Variants in NTM observed in about 807,000 individuals in gnomAD.
The protein encoded by NTM is neurotrimin.
In NTM, 13 loss-of-function variants were observed where a neutral mutation model predicts 42.1. The ratio of observed to expected loss-of-function variants is 0.31; its 90% CI spans 0.20 to 0.49. The LOEUF (loss-of-function observed/expected upper bound fraction) is 0.49. Among genes scored for constraint, NTM ranks in the 20% least tolerant of loss-of-function variants. NTM has a pLI of 0.99. For missense variants in NTM, 373 were observed against 452.8 expected (o/e 0.82, Z 1.60); for synonymous variants, 187 against 179.2 (o/e 1.04, Z -0.35).
intron 2 of NTM, among the ~76,000 whole-genome samples, chr11:132,061,285 A>G (rs190402327): frequency 6.6e-6 from 1 of 152,214 alleles, no homozygotes; most frequent in African/African-American, 2.4e-5. Flanking sequence ...TGTACGTTCT[A>G]ATAGAATGGC....
chr11:131,611,239 G>A (rs1175652432), intron 1 of NTM, among the ~76,000 whole-genome samples: 1 of 152,212 alleles, frequency 6.6e-6, no homozygotes, highest in East Asian at 1.9e-4. Context: ...GGCTTTAGGA[G>A]GATGATGAAT....
chr11:131,995,664 T>C (rs1011470065), intron 2 of NTM, among the ~76,000 whole-genome samples: 1 of 151,974 alleles, frequency 6.6e-6, no homozygotes, highest in African/African-American at 2.4e-5. Flanking sequence ...GTTACTGAAA[T>C]GCCAGGGGTT....
chr11:131,985,010 G>A (rs1388081456), intron 2 of NTM, among the ~76,000 whole-genome samples: 1 of 152,074 alleles, frequency 6.6e-6, no homozygotes, highest in Non-Finnish European at 1.5e-5. Flanking sequence ...TCTTCTTCCT[G>A]ACATTTGAGA....
chr11:131,447,825 C>T (rs1330743165), intron 1 of NTM, among the ~76,000 whole-genome samples: 1 of 152,184 alleles, frequency 6.6e-6, no homozygotes, highest in Non-Finnish European at 1.5e-5. Flanking sequence ...GGGCCTCCAG[C>T]ACAGAGGCCT....
intron 1 of NTM, among the ~76,000 whole-genome samples, chr11:131,400,919 T>A (rs1945062102): frequency 6.6e-6 from 1 of 151,872 alleles, no homozygotes; most frequent in Admixed American, 6.6e-5. Context: ...GCCTTCTATG[T>A]TTCTGGAGTC....
chr11:131,837,651 C>T (rs2043684331), intron 1 of NTM, among the ~76,000 whole-genome samples: 1 of 152,090 alleles, frequency 6.6e-6, no homozygotes, highest in African/African-American at 2.4e-5. Context: ...CTAGACAAGC[C>T]CAGGCAAAGG....
chr11:131,456,928 C>T (rs938067589), intron 1 of NTM, among the ~76,000 whole-genome samples: 5 of 152,188 alleles, frequency 3.3e-5, no homozygotes, highest in African/African-American at 7.2e-5. Context: ...CCTCAGTTCA[C>T]GCAACACCAT....
chr11:131,942,067 T>TA (rs758968545), intron 2 of NTM, among the ~76,000 whole-genome samples: 3 of 152,142 alleles, frequency 2.0e-5, no homozygotes, highest in Non-Finnish European at 4.4e-5. Flanking sequence ...GCTGGGGATT[T>TA]AAAAAAATGA....
chr11:131,622,900 T>A (rs1168159806), intron 1 of NTM, among the ~76,000 whole-genome samples: 1 of 152,196 alleles, frequency 6.6e-6, no homozygotes, highest in Non-Finnish European at 1.5e-5. Context: ...ACTAACACAC[T>A]GGTTGCCTTC....
At chr11:131,620,870 AAT>A (rs1181265477) in intron 1 of NTM, among the ~76,000 whole-genome samples, 1 of 152,202 alleles carries the variant, frequency 6.6e-6, no homozygotes. Context: ...TCGGTCCACT[AAT>A]ATATTCTCCA....
At chr11:132,300,263 G>A (rs2094794378) in intron 4 of NTM, among the ~76,000 whole-genome samples, 1 of 152,194 alleles carries the variant, frequency 6.6e-6, no homozygotes, top group Non-Finnish European at 1.5e-5. Context: ...TAGGGTTGCA[G>A]TAAAAATAAA....
In NTM at chr11:132,069,403, C is replaced by T. The variant is rs570411789; in HGVS notation, c.168-76879C>T. On this transcript the variant is annotated intron_variant, in intron 2 of 8. Transcript: ENST00000683400. ...AACACGTCACTCAGCCAAGTTAACA[C>T]GTCAAACTGACTGTCACCGGTTAGT... 2.0e-4 allele frequency among the ~76,000 whole-genome samples: 20 copies of T among 100,258 alleles called. 1 individual carries two copies. The highest frequency in any genetic ancestry group is 1.7e-3 in the East Asian group (8 of 4,752). The allele number at this position is 100,258 out of a possible 152,430, so 65.8% of individuals were successfully genotyped here. A position where few individuals can be genotyped will look rare whatever the true frequency, so the allele number is the denominator to read the frequency against.
chr11:131,821,570 G>A (rs994520409), intron 1 of NTM, among the ~76,000 whole-genome samples: 2 of 152,216 alleles, frequency 1.3e-5, no homozygotes, highest in African/African-American at 4.8e-5. Context: ...GGGAATGATT[G>A]TACATACCTT....
intron 1 of NTM, among the ~76,000 whole-genome samples, chr11:131,564,441 AG>A (rs59660016): frequency 6.9e-6 from 1 of 144,052 alleles, no homozygotes; most frequent in East Asian, 2.2e-4. Context: ...TAGGGTGGGT[AG>A]GGGGAGAGAG....
intron 2 of NTM, among the ~76,000 whole-genome samples, chr11:132,128,937 C>CAAA (rs66598841): frequency 2.1e-4 from 14 of 66,082 alleles, no homozygotes; most frequent in East Asian, 6.4e-4. Flanking sequence ...GACACCATCT[C>CAAA]AAAAAAAAAA....
rs74484838 is a variant in NTM at position 131,518,266 on chromosome 11, T to C, written c.82+147378T>C. 8.3e-3 allele frequency among the ~76,000 whole-genome samples: 1,259 copies of C among 152,234 alleles called. 21 individuals carry two copies. The highest frequency in any genetic ancestry group is 0.029 in the African/African-American group (1,196 of 41,546). On this transcript the variant is annotated intron_variant, in intron 1 of 8. Transcript: ENST00000683400. ...GAAGTTAAAAGACTCGAGTCACCCA[T>C]GCAGTAAGTGCAAGAATGGGGACTG...
At chr11:132,150,429 T>TA (rs2071611926) in intron 3 of NTM, among the ~76,000 whole-genome samples, 2 of 152,210 alleles carry the variant, frequency 1.3e-5, no homozygotes, top group Non-Finnish European at 2.9e-5. Context: ...ACTTCCATTG[T>TA]AAAAAGCTTT....
At chr11:132,016,993 TTATC>T (rs1394362111) in intron 2 of NTM, among the ~76,000 whole-genome samples, 1 of 152,030 alleles carries the variant, frequency 6.6e-6, no homozygotes, top group Non-Finnish European at 1.5e-5. Context: ...ATTGAGTTGT[TTATC>T]TTCTTATGTT....
rs190967479 is a variant in NTM, at chr11:131,795,877, G to A, written c.83-115687G>A. 5.2e-5 allele frequency: 51 copies of A among 982,456 alleles called. 1 individual carries two copies. The highest frequency in any genetic ancestry group is 7.0e-5 in the African/African-American group (4 of 57,306). The allele number at this position is 982,456 out of a possible 1,614,324, so 60.9% of individuals were successfully genotyped here. ...AGGGTGCTCCTGAACCATAGAGACC[G>A]CCTGCCTTGTCTAGTGTGGAGGGAT... On this transcript the variant is annotated intron_variant, in intron 1 of 8. Transcript: ENST00000683400.
Sources: allele counts gnomAD v4.1 joint callset (sites outside exome capture counted in the v4.1 genomes callset), GRCh38; gene constraint gnomAD v4.1.1; transcripts MANE v1.5; gene names NCBI Gene and HGNC (gene_info 2026-07-23, HGNC 2026-07-21).